Variants in RNF169 observed in about 807,000 individuals in gnomAD.
RNF169 encodes the protein ring finger protein 169.
Under a neutral mutation model 53.9 loss-of-function variants are expected in RNF169, and 24 were observed. The observed-to-expected ratio is 0.45, with a 90% CI of 0.32 to 0.63. RNF169 has a LOEUF of 0.63. Ranked by LOEUF, RNF169 falls within the 20% of genes least tolerant of loss-of-function variation. RNF169 has a pLI of 0.04. For missense variants in RNF169, 883 were observed against 906.2 expected (o/e 0.97, Z 0.33); for synonymous variants, 396 against 363.5 (o/e 1.09, Z -1.02).
Position 74,796,148 on chromosome 11 carries a change from C to T in RNF169, c.576+6449C>T, listed in dbSNP as rs575135977. Among the ~76,000 whole-genome samples the T allele has an allele frequency of 5.3e-4, 81 of 152,236 alleles. 2 individuals carry two copies. Among genetic ancestry groups the T allele is most frequent in the African/African-American group, 1.8e-3 (73 of 41,546 alleles). On this transcript the variant is annotated intron_variant, in intron 2 of 5. Transcript: ENST00000299563. ...TAAGACTTAAATCTGAAAACCAGTT[C>T]TATCTTTTGGGTATTTGTGATCTTG...
At chr11:74,829,363 G>A (rs1227398490) in intron 4 of RNF169, among the ~76,000 whole-genome samples, 1 of 152,216 alleles carries the variant, frequency 6.6e-6, no homozygotes, top group Non-Finnish European at 1.5e-5. Flanking sequence ...CAAGGTTGTG[G>A]AGAAAAAGGA....
intron 1 of RNF169, among the ~76,000 whole-genome samples, chr11:74,769,616 TAGAA>T (rs1451259494): frequency 6.6e-6 from 1 of 152,168 alleles, no homozygotes; most frequent in Non-Finnish European, 1.5e-5. Context: ...CTACAGCTGT[TAGAA>T]TGAATGAACT....
chr11:74,835,358 T>C (rs2036237232), intron 5 of RNF169, among the ~76,000 whole-genome samples, 188 bp from the exon 6 acceptor site: 1 of 152,178 alleles, frequency 6.6e-6, no homozygotes, highest in African/African-American at 2.4e-5. Context: ...TTGTTTGAAG[T>C]ATATAGGATT....
At chr11:74,817,859 A>G in intron 4 of RNF169, 145 bp downstream of exon 4, 1 of 656,076 alleles carries the variant, frequency 1.5e-6, no homozygotes, top group Non-Finnish European at 2.7e-6. Flanking sequence ...GTTTTCAAAT[A>G]TGGACTAGGG....
At chr11:74,781,230 C>T (rs2035412943) in intron 1 of RNF169, among the ~76,000 whole-genome samples, 1 of 152,244 alleles carries the variant, frequency 6.6e-6, no homozygotes, top group Admixed American at 6.5e-5. Context: ...CTGCAGCCGT[C>T]TTTGAGTCAG....
rs71036015 is a variant in RNF169, at chr11:74,750,588, C to CTTTT, written c.502+1230_502+1233dup. On this transcript the variant is annotated intron_variant, in intron 1 of 5. Coordinates refer to ENST00000299563, the MANE Select transcript of RNF169 (RefSeq NM_001098638.2). Reference sequence around the variant, plus strand: ...CTATGTTCCTTGTCACTCCCCTCACCTTTTTTTTTTTTTTTTTTTTTTTTT... The same window carrying CTTTT: ...CTATGTTCCTTGTCACTCCCCTCACCTTTTTTTTTTTTTTTTTTTTTTTTTTTTT... Among the ~76,000 whole-genome samples, 27 of 54,540 alleles carry CTTTT rather than the reference C, an allele frequency of 5.0e-4. 4 individuals are homozygous for CTTTT. In the East Asian group the frequency reaches 5.4e-3, roughly 11 times the overall value. The allele number at this position is 54,540 out of a possible 152,430, so 35.8% of individuals were successfully genotyped here. A position where few individuals can be genotyped will look rare whatever the true frequency, so the allele number is the denominator to read the frequency against.
At chr11:74,776,321 A>G (rs1265094216) in intron 1 of RNF169, among the ~76,000 whole-genome samples, 2 of 152,112 alleles carry the variant, frequency 1.3e-5, no homozygotes, top group African/African-American at 2.4e-5. Context: ...CTATAAAACT[A>G]TTATAATGCA....
At position 74,817,699 on chromosome 11, in the gene RNF169, T is replaced by C. The variant is rs2035957019; in HGVS notation, c.827T>C (p.Leu276Ser). ...AFVSKNNSYS[L>S]AFLAGKLNSK... ...GTTTCCAAGAACAACTCCTACTCCTTAGCTTTCCTGGCAGGGTAAGAGACT... is the reference window on the plus strand; with the variant it reads ...GTTTCCAAGAACAACTCCTACTCCTCAGCTTTCCTGGCAGGGTAAGAGACT... The change falls in exon 4 of 6, where the codon TTA (leucine) becomes TCA (serine). Residue 276 changes from leucine (L) to serine (S), a missense_variant. Physicochemically the swap from Leu to Ser is moderately radical, Grantham distance 145. This residue lies in a region of RNF169 where 219 missense variants were observed against 289.1 expected (regional missense o/e 0.76). Transcript: ENST00000299563. 1 of 1,609,628 alleles carries C rather than the reference T, an allele frequency of 6.2e-7. No homozygotes were observed. Among genetic ancestry groups the C allele is most frequent in the Non-Finnish European group, 8.5e-7 (1 of 1,175,884 alleles).
intron 1 of RNF169, among the ~76,000 whole-genome samples, chr11:74,776,701 C>G (rs1297213688): frequency 6.6e-6 from 1 of 152,088 alleles, no homozygotes; most frequent in Non-Finnish European, 1.5e-5. Flanking sequence ...ATGTAATTCT[C>G]TCTGGGTTAG....
In RNF169 at chr11:74,748,897, C is replaced by T. The variant is rs1182843026; in HGVS notation, c.17C>T (p.Pro6Leu). 2.8e-6 allele frequency: 4 copies of T among 1,434,266 alleles called. No individual in the cohort carries two copies. Among genetic ancestry groups the T allele is most frequent in the East Asian group, 5.7e-5 (2 of 35,026 alleles). 88.8% of individuals were successfully genotyped at this position (1,434,266 alleles called of 1,614,324 possible). Reference protein sequence around the residue: MAAAGPSTRASSAAAA... With the variant: MAAAGLSTRASSAAAA... ...GGAAACAAGATGGCGGCTGCAGGTC[C>T]GAGTACTCGGGCCTCTTCCGCGGCG... Residue 6 changes from proline (P) to leucine (L), a missense_variant, in exon 1 of 6, where the codon CCG becomes CTG. Coordinates refer to ENST00000299563, the MANE Select transcript of RNF169 (RefSeq NM_001098638.2).
intron 1 of RNF169, among the ~76,000 whole-genome samples, chr11:74,767,973 C>T (rs961367439): frequency 1.3e-5 from 2 of 152,112 alleles, no homozygotes; most frequent in Non-Finnish European, 2.9e-5. Context: ...GCCACTGTGC[C>T]CAGCCACTGT....
Position 74,810,190 on chromosome 11 carries a change from G to A in RNF169, c.583G>A (p.Glu195Lys), listed in dbSNP as rs1024196794. The change falls in exon 3 of 6, where the codon GAA becomes AAA. Residue 195 changes from glutamate to lysine, a missense_variant. Around this residue, in one of 3 missense-constraint regions of RNF169, gnomAD observed 219 missense variants for 289.1 expected, o/e 0.76. Coordinates refer to ENST00000299563, the MANE Select transcript of RNF169 (RefSeq NM_001098638.2). ...EEYESLRKLREEKLQEEKPSE... is the reference protein window; with the variant it reads ...EEYESLRKLRKEKLQEEKPSE... The stretch of plus-strand genomic sequence containing the variant: ...GCATAATTTATATTTTTAGCTGAGA[G>A]AAGAAAAGTTACAAGAGGAAAAACC... The A allele has an allele frequency of 1.2e-6, 2 of 1,606,746 alleles. No homozygotes were observed. Among genetic ancestry groups the A allele is most frequent in the African/African-American group, 1.3e-5 (1 of 74,144 alleles).
At chr11:74,813,804 C>T (rs1294351017) in intron 3 of RNF169, among the ~76,000 whole-genome samples, 1 of 152,128 alleles carries the variant, frequency 6.6e-6, no homozygotes, top group African/African-American at 2.4e-5. Flanking sequence ...AATTCTCCTG[C>T]CTCAGCCTCC....
At chr11:74,758,534 C>G (rs2035022465) in intron 1 of RNF169, among the ~76,000 whole-genome samples, 1 of 151,372 alleles carries the variant, frequency 6.6e-6, no homozygotes, top group African/African-American at 2.4e-5. Flanking sequence ...CGGAGTCTCG[C>G]TCTGTCACCC....
chr11:74,798,484 A>G (rs549527812), intron 2 of RNF169, among the ~76,000 whole-genome samples: 64 of 152,318 alleles, frequency 4.2e-4, no homozygotes, highest in African/African-American at 1.5e-3. Context: ...TTGATCTCAA[A>G]ACCCTGTCTC....
At chr11:74,752,346 T>C (rs2034910161) in intron 1 of RNF169, among the ~76,000 whole-genome samples, 1 of 150,918 alleles carries the variant, frequency 6.6e-6, no homozygotes, top group Admixed American at 6.6e-5. Context: ...CCTGTAAATC[T>C]GGCACTTTGG....
chr11:74,816,559 A>G (rs981112387), intron 3 of RNF169, among the ~76,000 whole-genome samples: 3 of 152,250 alleles, frequency 2.0e-5, no homozygotes, highest in Non-Finnish European at 4.4e-5. Flanking sequence ...TATAAACAAG[A>G]TGGAAAAACT....
At chr11:74,791,177 G>C (rs1199599044) in intron 2 of RNF169, among the ~76,000 whole-genome samples, 1 of 152,140 alleles carries the variant, frequency 6.6e-6, no homozygotes, top group African/African-American at 2.4e-5. Context: ...ATCCACAGTG[G>C]GTAGCTCCCC....
chr11:74,823,146 T>C (rs989690327), intron 4 of RNF169, among the ~76,000 whole-genome samples: 4 of 152,250 alleles, frequency 2.6e-5, no homozygotes, highest in African/African-American at 9.6e-5. Flanking sequence ...TTTACATTCA[T>C]GATTTTAGTG....
Sources: allele counts gnomAD v4.1 joint callset (sites outside exome capture counted in the v4.1 genomes callset), GRCh38; gene constraint gnomAD v4.1.1; regional missense constraint gnomAD v4.1.1; transcripts MANE v1.5; gene names NCBI Gene and HGNC (gene_info 2026-07-23, HGNC 2026-07-21).